The following C2orf76 variants were observed in gnomAD, a reference collection of about 807,000 sequenced individuals.
C2orf76 encodes the protein chromosome 2 open reading frame 76.
A neutral mutation model predicts 16.9 loss-of-function variants in C2orf76; 23 were observed. The ratio of observed to expected loss-of-function variants is 1.36; its 90% CI spans 0.98 to 1.93. The LOEUF is 1.93. Among genes scored for constraint, C2orf76 ranks in the 30% most tolerant of loss-of-function variants. C2orf76 has a pLI of 0.00. For synonymous variants in C2orf76, 48 were observed against 52.3 expected, an observed-to-expected ratio of 0.92 and a Z score of 0.35; for missense variants, 152 against 152.6, an observed-to-expected ratio of 1.00 and a Z score of 0.02.
chr2:119,316,878 C>T (rs915477982), intron 4 of C2orf76, among the ~76,000 whole-genome samples: 3 of 152,116 alleles, frequency 2.0e-5, no homozygotes, highest in African/African-American at 7.2e-5. Flanking sequence ...TTCATAAAAA[C>T]GTTACTCTAA....
chr2:119,302,480 A>T lies in C2orf76; in HGVS notation c.373T>A (p.Ser125Thr). The change falls in exon 6 of 6, where the codon TCC becomes ACC. Residue 125 changes from serine (S) to threonine (T), a missense_variant. Transcript: ENST00000334816. ...AAGCCCTCGAGATGTTTTCACCAGG[A>T]TGAAATGGGATTAGCTTTGTAGTTC... ...YKNYKANPIS[S>T]W 7.3e-7 allele frequency: 1 copy of T among 1,379,034 alleles called. No homozygotes were observed. Among genetic ancestry groups the T allele is most frequent in the Non-Finnish European group, 1.0e-6 (1 of 991,790 alleles). The allele number at this position is 1,379,034 out of a possible 1,614,324, so 85.4% of individuals were successfully genotyped here.
At chr2:119,324,677 T>G (rs1482514071) in intron 2 of C2orf76, among the ~76,000 whole-genome samples, 1 of 152,190 alleles carries the variant, frequency 6.6e-6, no homozygotes, top group Non-Finnish European at 1.5e-5. Context: ...AAGAAGTGCC[T>G]GGTCAGCCCA....
intron 2 of C2orf76, among the ~76,000 whole-genome samples, chr2:119,334,168 T>C (rs1049159355): frequency 1.3e-5 from 2 of 152,102 alleles, no homozygotes; most frequent in Non-Finnish European, 2.9e-5. Flanking sequence ...TTCAGTGACA[T>C]TCTGGAAAAG....
intron 4 of C2orf76, among the ~76,000 whole-genome samples, chr2:119,316,039 T>G (rs982861583): frequency 6.6e-6 from 1 of 152,262 alleles, no homozygotes; most frequent in Admixed American, 6.5e-5. Context: ...GAATGGAGAA[T>G]GGGGACTTGC....
intron 1 of C2orf76, among the ~76,000 whole-genome samples, chr2:119,355,674 T>C (rs1207821252): frequency 1.3e-5 from 2 of 152,130 alleles, no homozygotes; most frequent in Non-Finnish European, 2.9e-5. Context: ...CTAGGTTGCA[T>C]GCTCCTTATG....
At chr2:119,321,366 AT>A (rs1679336293) in intron 2 of C2orf76, among the ~76,000 whole-genome samples, 162 bp from the exon 3 acceptor site, 1 of 152,156 alleles carries the variant, frequency 6.6e-6, no homozygotes, top group Admixed American at 6.5e-5. Flanking sequence ...GGCCATCTAT[AT>A]TAGTCCATTC....
At position 119,317,988 on chromosome 2, in the gene C2orf76, C is replaced by T. The variant is rs568614453; in HGVS notation, c.185-485G>A. On this transcript the variant is annotated intron_variant, in intron 3 of 5. Transcript: ENST00000334816. ...AGTATTCAAACACTGTATCTAGGAC[C>T]ACCGGGAATCTGAGCAAGGCTGCTA... Among the ~76,000 whole-genome samples the T allele has an allele frequency of 6.6e-5, 10 of 152,176 alleles. No homozygotes were observed. In the South Asian group the frequency reaches 2.1e-3, roughly 32 times the overall value.
At chr2:119,293,511 A>T in the C2orf76 span, among the ~76,000 whole-genome samples, 356 of 152,362 alleles carry the variant, frequency 2.3e-3, 3 homozygotes, top group African/African-American at 8.2e-3. Context: ...GATCTGACTC[A>T]TGTTCTAGAA....
chr2:119,334,292 C>T (rs553495233), intron 2 of C2orf76, among the ~76,000 whole-genome samples: 1 of 145,710 alleles, frequency 6.9e-6, no homozygotes. Context: ...CTGTACGGCA[C>T]TGTAAGGGTG....
At chr2:119,288,212 A>C in the C2orf76 span, among the ~76,000 whole-genome samples, 1 of 147,804 alleles carries the variant, frequency 6.8e-6, no homozygotes, top group African/African-American at 2.5e-5. Context: ...GCTGGAGTGC[A>C]GTGACGCCAT....
intron 2 of C2orf76, among the ~76,000 whole-genome samples, chr2:119,334,476 A>G (rs1334666203): frequency 2.0e-5 from 3 of 150,608 alleles, no homozygotes; most frequent in African/African-American, 7.3e-5. Flanking sequence ...GCCTGAGTCC[A>G]GGAGTTTTGA....
intron 4 of C2orf76, among the ~76,000 whole-genome samples, chr2:119,315,191 C>T (rs1679128149): frequency 6.6e-6 from 1 of 151,270 alleles, no homozygotes; most frequent in African/African-American, 2.5e-5. Context: ...TACACACACA[C>T]ATACACACAC....
the C2orf76 span, among the ~76,000 whole-genome samples, chr2:119,286,841 G>A: frequency 2.3e-3 from 355 of 152,242 alleles, no homozygotes; most frequent in African/African-American, 7.9e-3. Flanking sequence ...AGGGGAGGCC[G>A]TTCTCATGAG....
At chr2:119,318,008 C>T (rs1387149471) in intron 3 of C2orf76, among the ~76,000 whole-genome samples, 1 of 152,142 alleles carries the variant, frequency 6.6e-6, no homozygotes, top group Non-Finnish European at 1.5e-5. Flanking sequence ...CTGAGCAAGG[C>T]TGCTAATGCC....
At chr2:119,286,982 G>T in the C2orf76 span, among the ~76,000 whole-genome samples, 1 of 152,184 alleles carries the variant, frequency 6.6e-6, no homozygotes, top group Non-Finnish European at 1.5e-5. Context: ...GTGAGCAGAA[G>T]AACCTTCTTT....
chr2:119,324,144 C>CAT (rs1679435370), intron 2 of C2orf76, among the ~76,000 whole-genome samples: 1 of 152,132 alleles, frequency 6.6e-6, no homozygotes, highest in African/African-American at 2.4e-5. Context: ...TGAAGAAAGC[C>CAT]GTGAGGTGAA....
downstream of C2orf76, chr2:119,302,217 T>C (rs1292949800): frequency 6.9e-6 from 2 of 289,122 alleles, no homozygotes; most frequent in Non-Finnish European, 1.3e-5. Flanking sequence ...AGAATCAATA[T>C]TCCACAATAA....
chr2:119,304,832 T>C (rs754336290), intron 5 of C2orf76, among the ~76,000 whole-genome samples: 2 of 152,250 alleles, frequency 1.3e-5, no homozygotes, highest in South Asian at 4.1e-4. Flanking sequence ...CAGGGACTTA[T>C]GCTGCAAATT....
intron 1 of C2orf76, among the ~76,000 whole-genome samples, chr2:119,343,970 T>C (rs1031737777): frequency 5.3e-5 from 8 of 152,222 alleles, no homozygotes; most frequent in African/African-American, 1.9e-4. Flanking sequence ...AATTCCCAGA[T>C]GTAATGAAGC....
Sources: gnomAD v4.1 joint callset for allele counts (sites outside exome capture counted in the v4.1 genomes callset) on GRCh38, gnomAD v4.1.1 for gene constraint, MANE v1.5 for transcripts, NCBI Gene and HGNC (gene_info 2026-07-23, HGNC 2026-07-21) for gene names.